Variants in RBFOX1 observed in about 807,000 individuals in gnomAD.
RBFOX1 encodes RNA binding fox-1 homolog 1, also known as RNA binding protein fox-1 homolog 1.
In RBFOX1, 8 loss-of-function variants were observed where a neutral mutation model predicts 57.7. The ratio of observed to expected loss-of-function variants is 0.14; its 90% confidence interval spans 0.08 to 0.25. The LOEUF (loss-of-function observed/expected upper bound fraction) is 0.25, where lower values mean the gene tolerates loss of function less well. RBFOX1 is among the 10% of genes least tolerant of loss of function. The pLI is 1.00. For synonymous variants in RBFOX1, 326 were observed against 222.4 expected (o/e 1.47, Z -4.15); for missense variants, 611 against 548.5 (o/e 1.11, Z -1.14).
chr16:5,412,470 A>C (rs1019970224), intron 1 of RBFOX1, among the ~76,000 whole-genome samples: 42 of 152,190 alleles, frequency 2.8e-4, no homozygotes, highest in African/African-American at 1.0e-3. Context: ...TGGATGCTGG[A>C]ATCTGAAGCA....
At chr16:6,615,112 G>C (rs1052788037) in intron 2 of RBFOX1, among the ~76,000 whole-genome samples, 12 of 152,124 alleles carry the variant, frequency 7.9e-5, no homozygotes, top group Non-Finnish European at 1.5e-4. Flanking sequence ...TTTGCTTAAG[G>C]CAAACTCATT....
intron 2 of RBFOX1, among the ~76,000 whole-genome samples, chr16:6,419,694 C>T (rs1022352911): frequency 3.3e-5 from 5 of 152,116 alleles, no homozygotes; most frequent in East Asian, 1.9e-4. Context: ...CCACCATTCC[C>T]GTTCTTCATA....
At chr16:7,675,685 C>T (rs1041360726) in intron 13 of RBFOX1, among the ~76,000 whole-genome samples, 5 of 152,070 alleles carry the variant, frequency 3.3e-5, no homozygotes, top group Admixed American at 1.3e-4. Flanking sequence ...AAGCCAAATG[C>T]CATGAACCTA....
Position 7,703,522 on chromosome 16 carries a change from C to A in RBFOX1, c.996-5534C>A, listed in dbSNP as rs1222007227. Among the ~76,000 whole-genome samples the A allele has an allele frequency of 3.3e-5, 5 of 152,148 alleles. No homozygotes were observed. The East Asian group carries it at 5.8e-4, about 18-fold the overall frequency. ...AAGTTCCCAGGGCATAAACGCTCCT[C>A]ATCAAAATAGGGAGTAAAATATAGT... On this transcript the variant is annotated intron_variant, in intron 14 of 15. Transcript: ENST00000550418.
intron 4 of RBFOX1, among the ~76,000 whole-genome samples, chr16:7,440,183 A>G (rs1302716939): frequency 6.6e-6 from 1 of 152,090 alleles, no homozygotes; most frequent in African/African-American, 2.4e-5. Flanking sequence ...GATGTGAGAC[A>G]CTGTGTCTGG....
Position 6,711,113 on chromosome 16 carries a change from G to A in RBFOX1, c.-16+56463G>A, listed in dbSNP as rs191389880. On this transcript the variant is annotated intron_variant, in intron 3 of 15. Coordinates refer to ENST00000550418, the MANE Select transcript of RBFOX1 (RefSeq NM_018723.4). Reference sequence around the variant, plus strand: ...CACTTCTGTTTCTCAAATATCATGCGTCTAATCCCTGCTGCAGGAAATCAT... The same window carrying A: ...CACTTCTGTTTCTCAAATATCATGCATCTAATCCCTGCTGCAGGAAATCAT... Among the ~76,000 whole-genome samples, 108 of 152,272 alleles carry A rather than the reference G, an allele frequency of 7.1e-4. 1 individual carries two copies. The highest frequency in any genetic ancestry group is 5.2e-3 in the East Asian group (27 of 5,174).
At chr16:7,647,629 T>G (rs2064015563) in intron 11 of RBFOX1, among the ~76,000 whole-genome samples, 1 of 152,206 alleles carries the variant, frequency 6.6e-6, no homozygotes, top group South Asian at 2.1e-4. Context: ...ACATTGTTTT[T>G]TAATTAACAA....
intron 3 of RBFOX1, among the ~76,000 whole-genome samples, chr16:7,034,048 G>C (rs146473352): frequency 1.8e-4 from 27 of 152,296 alleles, no homozygotes; most frequent in African/African-American, 6.3e-4. Flanking sequence ...GCGGAGATGA[G>C]GTAGGTATGG....
intron 2 of RBFOX1, among the ~76,000 whole-genome samples, chr16:6,402,550 C>G (rs1257840488): frequency 6.6e-6 from 1 of 152,082 alleles, no homozygotes; most frequent in African/African-American, 2.4e-5. Flanking sequence ...AAGCAAAGTA[C>G]TGCTTTCTGC....
chr16:6,636,783 A>ATATAAT (rs1567981457), intron 2 of RBFOX1, among the ~76,000 whole-genome samples: 1 of 36,634 alleles, frequency 2.7e-5, no homozygotes, highest in Non-Finnish European at 5.4e-5. Context: ...TAATATATAT[A>ATATAAT]ATATATAATA....
At chr16:7,344,430 T>C (rs1220855863) in intron 4 of RBFOX1, among the ~76,000 whole-genome samples, 1 of 150,092 alleles carries the variant, frequency 6.7e-6, no homozygotes, top group Non-Finnish European at 1.5e-5. Context: ...TGCAATAATA[T>C]GTATTTTATG....
chr16:6,031,044 A>T (rs746627123), intron 1 of RBFOX1, among the ~76,000 whole-genome samples: 1 of 152,348 alleles, frequency 6.6e-6, no homozygotes, highest in East Asian at 1.9e-4. Context: ...ACCCGTTATC[A>T]TAAGTATTAA....
intron 3 of RBFOX1, among the ~76,000 whole-genome samples, chr16:6,703,021 C>A (rs62015885): frequency 6.6e-6 from 1 of 152,154 alleles, no homozygotes; most frequent in Non-Finnish European, 1.5e-5. Flanking sequence ...TCATATGGCC[C>A]TTGTCCTTTG....
intron 2 of RBFOX1, among the ~76,000 whole-genome samples, chr16:5,532,799 T>G (rs1370727903): frequency 6.6e-6 from 1 of 152,120 alleles, no homozygotes; most frequent in Non-Finnish European, 1.5e-5. Context: ...GGTGGTGGGT[T>G]GTGAGGCAGA....
At position 6,033,434 on chromosome 16, in the gene RBFOX1, A is replaced by G. The variant is rs575650691; in HGVS notation, c.-127+13442A>G. On this transcript the variant is annotated intron_variant, in intron 1 of 15. Coordinates refer to ENST00000550418, the MANE Select transcript of RBFOX1 (RefSeq NM_018723.4). ...GTTTATTAGAGACAACTATTTTTAT[A>G]GTTTCTCATGCACCCTTTCATATAT... is the stretch of plus-strand genomic sequence containing the variant. Among the ~76,000 whole-genome samples the G allele has an allele frequency of 2.0e-5, 3 of 152,360 alleles. No individual in the cohort carries two copies. In the South Asian group the frequency reaches 6.2e-4, roughly 32 times the overall value.
intron 4 of RBFOX1, among the ~76,000 whole-genome samples, chr16:5,901,383 G>A (rs910882799): frequency 2.6e-5 from 4 of 152,164 alleles, no homozygotes; most frequent in African/African-American, 7.2e-5. Flanking sequence ...TCCCAGAGCT[G>A]AGCAATGATG....
intron 3 of RBFOX1, among the ~76,000 whole-genome samples, chr16:6,906,146 G>A (rs1190690271): frequency 3.9e-5 from 6 of 152,102 alleles, no homozygotes; most frequent in African/African-American, 1.2e-4. Flanking sequence ...GCTGCAAACA[G>A]TGTTGATGTA....
At chr16:6,560,332 C>T (rs2097163736) in intron 2 of RBFOX1, among the ~76,000 whole-genome samples, 1 of 81,804 alleles carries the variant, frequency 1.2e-5, no homozygotes, top group African/African-American at 3.0e-5. Flanking sequence ...ATGAGGAGGG[C>T]AGGAGAGTGG....
intron 3 of RBFOX1, among the ~76,000 whole-genome samples, chr16:6,678,724 C>T (rs960547258): frequency 1.3e-5 from 2 of 151,908 alleles, no homozygotes; most frequent in African/African-American, 4.8e-5. Flanking sequence ...AGAGTAGATG[C>T]TCTGACTGAT....
Sources: gnomAD v4.1 joint callset for allele counts (sites outside exome capture counted in the v4.1 genomes callset) on GRCh38, gnomAD v4.1.1 for gene constraint, MANE v1.5 for transcripts, NCBI Gene and HGNC (gene_info 2026-07-23, HGNC 2026-07-21) for gene names.